Variants in HIGD2B observed in about 807,000 individuals in gnomAD.
HIGD2B encodes HIG1 hypoxia inducible domain family member 2B.
For missense variants in HIGD2B, 106 were observed against 67.0 expected (o/e 1.58, Z -2.03); for synonymous variants, 45 against 28.1 (o/e 1.60, Z -1.90).
rs574374645 is a variant in HIGD2B, at chr15:72,676,327, C to T, written c.48G>A (p.Ser16=). The T allele has an allele frequency of 1.7e-4, 133 of 760,848 alleles. No homozygotes were observed. The African/African-American group carries it at 2.0e-3, about 11-fold the overall frequency. 47.1% of individuals were successfully genotyped at this position (760,848 alleles called of 1,614,324 possible). A position where few individuals can be genotyped will look rare whatever the true frequency, so the allele number is the denominator to read the frequency against. Residue 16 remains serine (S), a synonymous_variant, in exon 3 of 3, where the codon TCG becomes TCA. Transcript: ENST00000311755. ...TAAGCCCCTCAAAGATGGGGGGCTT[C>T]GATGATTCAAAGGGGGCCTCCGGAG... ...FVTPEAPFES[S]KPPIFEGLSP... is the part of the protein sequence containing the mutation.
Position 72,676,308 on chromosome 15 carries a change from C to T in HIGD2B, c.67G>A (p.Gly23Arg), listed in dbSNP as rs1167741064. ...TTGCTGTAAACAGTGGGGCTAAGCC[C>T]CTCAAAGATGGGGGGCTTCGATGAT... ...FESSKPPIFE[G>R]LSPTVYSNPE... Residue 23 changes from glycine (G) to arginine (R), a missense_variant, in exon 3 of 3, where the codon GGG becomes AGG. Gly to Arg is a moderately radical substitution (Grantham distance 125, BLOSUM62 -2). Coordinates refer to ENST00000311755, the MANE Select transcript of HIGD2B (RefSeq NM_001350932.3). 2.6e-6 allele frequency: 2 copies of T among 762,328 alleles called. No homozygotes were observed. The highest frequency in any genetic ancestry group is 2.7e-5 in the South Asian group (2 of 73,610). 47.2% of individuals were successfully genotyped at this position (762,328 alleles called of 1,614,324 possible).
intron 1 of HIGD2B, chr15:72,682,317 A>G: frequency 4.5e-6 from 1 of 223,740 alleles, no homozygotes; most frequent in Non-Finnish European, 9.3e-6. Context: ...GTATTTTAAA[A>G]ATCCCCCAGA....
rs898927872 is a variant in HIGD2B at position 72,680,023 on chromosome 15, G to C, written c.-22C>G. ...AAACATTTCCTACTTACATGGAACA[G>C]TGGAAAGTGCCAACAGAGTTCTCCC... On this transcript the variant is annotated 5_prime_UTR_variant, in exon 2 of 3. Coordinates refer to ENST00000311755, the MANE Select transcript of HIGD2B (RefSeq NM_001350932.3). 3 of 452,368 alleles carry C rather than the reference G, an allele frequency of 6.6e-6. No homozygotes were observed. Among genetic ancestry groups the C allele is most frequent in the African/African-American group, 6.2e-5 (3 of 48,102 alleles). 28.0% of individuals were successfully genotyped at this position (452,368 alleles called of 1,614,324 possible).
chr15:72,684,769 G>C (rs911147883), intron 1 of HIGD2B, among the ~76,000 whole-genome samples: 3 of 151,922 alleles, frequency 2.0e-5, no homozygotes, highest in Non-Finnish European at 1.5e-5. Flanking sequence ...GATTACAGGC[G>C]TGAGCCACCG....
At chr15:72,682,505 C>A (rs552213918) in intron 1 of HIGD2B, 1 of 164,100 alleles carries the variant, frequency 6.1e-6, no homozygotes, top group South Asian at 1.5e-4. Flanking sequence ...GAGTTTGAGA[C>A]CAGCCTGGCC....
chr15:72,676,101 C>A lies in HIGD2B; in HGVS notation c.274G>T (p.Ala92Ser). The change falls in exon 3 of 3, where the codon GCC becomes TCC. Residue 92 changes from alanine to serine, a missense_variant. By Grantham distance (99) the Ala-to-Ser change is moderately conservative. Transcript: ENST00000311755. ...GTGGCAGCTAGACCCAGCAAGATGG[C>A]TGCAATGGTGAAGCCCTGGGCGGCG... ...QIAAQGFTIAAILLGLAATAM... is the reference protein window; with the variant it reads ...QIAAQGFTIASILLGLAATAM... 1.3e-6 allele frequency: 1 copy of A among 765,364 alleles called. No individual in the cohort carries two copies. The highest frequency in any genetic ancestry group is 2.4e-6 in the Non-Finnish European group (1 of 416,620). 47.4% of individuals were successfully genotyped at this position (765,364 alleles called of 1,614,324 possible).
At chr15:72,682,576 G>A (rs1451822468) in intron 1 of HIGD2B, among the ~76,000 whole-genome samples, 2 of 152,154 alleles carry the variant, frequency 1.3e-5, no homozygotes, top group Non-Finnish European at 2.9e-5. Context: ...GGTGGCTGAC[G>A]CTTGTAATCC....
In HIGD2B at chr15:72,680,153, C is replaced by T; in HGVS notation, c.-152G>A. The T allele has an allele frequency of 5.1e-6, 1 of 194,516 alleles. No homozygotes were observed. Among genetic ancestry groups the T allele is most frequent in the Non-Finnish European group, 1.1e-5 (1 of 93,232 alleles). 12.0% of individuals were successfully genotyped at this position (194,516 alleles called of 1,614,324 possible). A position where few individuals can be genotyped will look rare whatever the true frequency, so the allele number is the denominator to read the frequency against. On this transcript the variant is annotated 5_prime_UTR_variant, in exon 2 of 3. Coordinates refer to ENST00000311755, the MANE Select transcript of HIGD2B (RefSeq NM_001350932.3). ...TGATCTTCTTCCCATTCTTACCCAG[C>T]TGGTGGAGTCTACAGCCTATTTCAG... is the stretch of plus-strand genomic sequence containing the variant.
At chr15:72,682,631 G>C (rs2064761287) in intron 1 of HIGD2B, 1 of 153,186 alleles carries the variant, frequency 6.5e-6, no homozygotes, top group East Asian at 1.9e-4. Context: ...TGAACCTGGA[G>C]GTTGCAGTGA....
Position 72,686,034 on chromosome 15 carries a change from T to C in HIGD2B, c.-409A>G, listed in dbSNP as rs2064823116. 1.5e-6 allele frequency: 1 copy of C among 664,898 alleles called. No individual in the cohort carries two copies. The highest frequency in any genetic ancestry group is 2.6e-6 in the Non-Finnish European group (1 of 379,318). 41.2% of individuals were successfully genotyped at this position (664,898 alleles called of 1,614,324 possible). On this transcript the variant is annotated 5_prime_UTR_variant, in exon 1 of 3. The change abolishes an upstream ATG in the 5' untranslated region. Coordinates refer to ENST00000311755, the MANE Select transcript of HIGD2B (RefSeq NM_001350932.3). ...GATAAAGGCAGCGAGTGGCTGCGCA[T>C]TCCCTCCCCGACTCTTTCAGAGGTA...
At chr15:72,677,211 C>T (rs1374228799) in intron 2 of HIGD2B, among the ~76,000 whole-genome samples, 1 of 152,162 alleles carries the variant, frequency 6.6e-6, no homozygotes, top group African/African-American at 2.4e-5. Flanking sequence ...AAGCAGATCA[C>T]TTGAGGCCAG....
At chr15:72,682,406 T>G in intron 1 of HIGD2B, 1 of 216,582 alleles carries the variant, frequency 4.6e-6, no homozygotes, top group Non-Finnish European at 9.8e-6. Context: ...TTATACCTTA[T>G]TAAAACTTCA....
At chr15:72,678,767 G>T (rs767291823) in intron 2 of HIGD2B, among the ~76,000 whole-genome samples, 20 of 152,060 alleles carry the variant, frequency 1.3e-4, no homozygotes, top group Non-Finnish European at 2.8e-4. Context: ...GGAGGTCAAG[G>T]CAGGAGGATC....
At chr15:72,678,048 C>T (rs2064711443) in intron 2 of HIGD2B, among the ~76,000 whole-genome samples, 1 of 152,174 alleles carries the variant, frequency 6.6e-6, no homozygotes, top group African/African-American at 2.4e-5. Flanking sequence ...GACTCTATCC[C>T]TGCATCTTAT....
At chr15:72,685,646 C>T (rs1395738889) in intron 1 of HIGD2B, among the ~76,000 whole-genome samples, 172 bp downstream of exon 1, 1 of 152,174 alleles carries the variant, frequency 6.6e-6, no homozygotes, top group East Asian at 1.9e-4. Context: ...TATCCCATGG[C>T]CGATTTCTTG....
chr15:72,677,973 T>C (rs1464795074), intron 2 of HIGD2B, among the ~76,000 whole-genome samples: 1 of 152,150 alleles, frequency 6.6e-6, no homozygotes, highest in African/African-American at 2.4e-5. Flanking sequence ...GTGCCTCTTC[T>C]CTCTGACTTT....
chr15:72,680,255 C>T (rs1418089344), intron 1 of HIGD2B, 62 bp from the exon 2 acceptor site: 1 of 153,476 alleles, frequency 6.5e-6, no homozygotes, highest in Non-Finnish European at 1.5e-5. Context: ...TTAAAAATAA[C>T]AAACTTAAGT....
At chr15:72,683,662 G>A (rs1349455705) in intron 1 of HIGD2B, among the ~76,000 whole-genome samples, 1 of 152,086 alleles carries the variant, frequency 6.6e-6, no homozygotes, top group South Asian at 2.1e-4. Flanking sequence ...GTAACATGAT[G>A]AAACCCCATC....
chr15:72,683,528 T>C (rs2064771417), intron 1 of HIGD2B, among the ~76,000 whole-genome samples: 1 of 150,682 alleles, frequency 6.6e-6, no homozygotes, highest in African/African-American at 2.4e-5. Flanking sequence ...AGGACTGGAA[T>C]ACTGAAAAAC....
Sources: gnomAD v4.1 joint callset for allele counts (sites outside exome capture counted in the v4.1 genomes callset) on GRCh38, gnomAD v4.1.1 for gene constraint, MANE v1.5 for transcripts, NCBI Gene and HGNC (gene_info 2026-07-23, HGNC 2026-07-21) for gene names.